The following PDE6B variants were observed in gnomAD, a reference collection of about 807,000 sequenced individuals.
PDE6B encodes the protein rod cGMP-specific 3',5'-cyclic phosphodiesterase subunit beta.
Under a neutral mutation model 109.0 loss-of-function variants are expected in PDE6B, and 106 were observed. The observed-to-expected ratio is 0.97, with a 90% CI of 0.83 to 1.14. The LOEUF is 1.14. Among genes scored for constraint, PDE6B ranks in the 50% most tolerant of loss-of-function variants. The pLI is 0.00. For synonymous variants in PDE6B, 490 were observed against 471.3 expected (o/e 1.04, Z -0.51); for missense variants, 1,193 against 1,155.6 (o/e 1.03, Z -0.47).
rs546720892 is a variant in PDE6B, at chr4:663,255, C to T, written c.1920+68C>T. 62 of 902,326 alleles carry T rather than the reference C, an allele frequency of 6.9e-5. 1 individual carries two copies. Among genetic ancestry groups the T allele is most frequent in the South Asian group, 6.0e-4 (46 of 76,706 alleles). The allele number at this position is 902,326 out of a possible 1,614,324, so 55.9% of individuals were successfully genotyped here. ...CGCAGCGTCCGCAGGACGGCAGGGC[C>T]GTATCCTGCGGAGCAGGGTTCTGAT... On this transcript the variant is annotated intron_variant, in intron 15 of 21. Transcript: ENST00000496514. The surrounding 1 kb of genome is among the most constrained non-coding windows in gnomAD (Gnocchi z 4.0).
intron 12 of PDE6B, 125 bp downstream of exon 12, chr4:660,738 C>T: frequency 1.2e-6 from 1 of 822,094 alleles, no homozygotes; most frequent in South Asian, 1.4e-5. Context: ...TTCCAGATCC[C>T]ACAGGAAGTT....
chr4:664,977 A>G (rs753367891), intron 18 of PDE6B, 33 bp downstream of exon 18: 2 of 1,528,410 alleles, frequency 1.3e-6, no homozygotes, highest in Admixed American at 1.7e-5. Context: ...ACCCAGAGTC[A>G]GTGCCTCTCA....
chr4:647,942 G>A (rs142148489), intron 3 of PDE6B, among the ~76,000 whole-genome samples: 1 of 151,902 alleles, frequency 6.6e-6, no homozygotes, highest in Non-Finnish European at 1.5e-5. Context: ...GGGCGTGGTG[G>A]TGCATGCCTA....
Position 648,831 on chromosome 4 carries a change from A to G in PDE6B, c.712-5021A>G, listed in dbSNP as rs1735341065. Reference sequence around the variant, plus strand: ...TGCAGCTCTCACCTTCAGGCCGGCCATGCGTCAGGACCCGGTGGCTCGCTG... The same window carrying G: ...TGCAGCTCTCACCTTCAGGCCGGCCGTGCGTCAGGACCCGGTGGCTCGCTG... On this transcript the variant is annotated intron_variant, in intron 3 of 21. Coordinates refer to ENST00000496514, the MANE Select transcript of PDE6B (RefSeq NM_000283.4). The surrounding 1 kb of genome is among the most constrained non-coding windows in gnomAD (Gnocchi z 4.5). Among the ~76,000 whole-genome samples the G allele has an allele frequency of 6.6e-6, 1 of 152,246 alleles. No individual in the cohort carries two copies. The highest frequency in any genetic ancestry group is 2.1e-4 in the South Asian group (1 of 4,836).
chr4:647,194 C>G (rs1004652702), intron 3 of PDE6B, among the ~76,000 whole-genome samples: 1 of 151,990 alleles, frequency 6.6e-6, no homozygotes, highest in Non-Finnish European at 1.5e-5. Context: ...TCTGATAATT[C>G]CCAACTTCGT....
At chr4:664,349 C>T (rs1655409782) in intron 17 of PDE6B, 128 bp downstream of exon 17, 10 of 710,522 alleles carry the variant, frequency 1.4e-5, no homozygotes, top group South Asian at 8.9e-5. Context: ...GGCAGCTTGT[C>T]GAGGGCTGTG....
intron 3 of PDE6B, among the ~76,000 whole-genome samples, chr4:647,854 C>T (rs1004354682): frequency 2.0e-5 from 3 of 152,090 alleles, no homozygotes; most frequent in African/African-American, 7.2e-5. Flanking sequence ...GCGCAGATCA[C>T]CTGAGGTCAG....
At position 663,823 on chromosome 4, in the gene PDE6B, C is replaced by G. The variant is rs1737437710; in HGVS notation, c.1974C>G (p.His658Gln). 5 of 1,612,570 alleles carry G rather than the reference C, an allele frequency of 3.1e-6. No individual in the cohort carries two copies. The highest frequency in any genetic ancestry group is 4.2e-6 in the Non-Finnish European group (5 of 1,179,538). ...LNRRQHEHVI[H>Q]LMDIAIIATD... is the part of the protein sequence containing the mutation. ...GGCGGCAGCACGAGCACGTGATCCA[C>G]CTGATGGACATCGCCATCATCGCCA... is the stretch of plus-strand genomic sequence containing the variant. Residue 658 changes from histidine to glutamine, a missense_variant, in exon 16 of 22, where the codon CAC becomes CAG. His to Gln is a conservative substitution (Grantham distance 24). Transcript: ENST00000496514. The surrounding 1 kb of genome is among the most constrained non-coding windows in gnomAD (Gnocchi z 4.0).
In PDE6B at chr4:664,208, A is replaced by T. The variant is rs746552548; in HGVS notation, c.2116A>T (p.Lys706Ter). ...GTACCTGTCCCTGGAGACGACCCGGAAGGAGATCGTCATGTGAGCGCGGGC... is the reference window on the plus strand; with the variant it reads ...GTACCTGTCCCTGGAGACGACCCGGTAGGAGATCGTCATGTGAGCGCGGGC... ...VEYLSLETTRKEIVMAMMMTA... is the reference protein window; with the variant it reads ...VEYLSLETTR The change falls in exon 17 of 22, where the codon AAG (lysine) becomes TAG (stop). Residue 706 changes from lysine to a stop codon, truncating the protein, a stop_gained. Coordinates refer to ENST00000496514, the MANE Select transcript of PDE6B (RefSeq NM_000283.4). LOFTEE classifies it high-confidence loss of function. 57 of 1,597,074 alleles carry T rather than the reference A, an allele frequency of 3.6e-5. No individual in the cohort carries two copies. The highest frequency in any genetic ancestry group is 4.6e-5 in the Non-Finnish European group (54 of 1,164,990).
chr4:656,745 CAG>C, intron 8 of PDE6B, 127 bp from the exon 9 acceptor site: 1 of 777,020 alleles, frequency 1.3e-6, no homozygotes, highest in Non-Finnish European at 2.2e-6. Flanking sequence ...ATGCAGAGAG[CAG>C]AGACAGGAAC....
At position 663,377 on chromosome 4, in the gene PDE6B, A is replaced by G. The variant is rs993564252; in HGVS notation, c.1920+190A>G. 6.6e-6 allele frequency among the ~76,000 whole-genome samples: 1 copy of G among 152,122 alleles called. No individual in the cohort carries two copies. The highest frequency in any genetic ancestry group is 1.5e-5 in the Non-Finnish European group (1 of 68,016). ...GCAGGTGCATCGGAGGCCCTGGGAA[A>G]ACGCTTGTGGGGAAGACAACTGGAA... On this transcript the variant is annotated intron_variant, in intron 15 of 21. Transcript: ENST00000496514. The surrounding 1 kb of genome is among the most constrained non-coding windows in gnomAD (Gnocchi z 4.0).
In PDE6B at chr4:636,782, A is replaced by T. The variant is rs1280354223; in HGVS notation, c.711+813A>T. Among the ~76,000 whole-genome samples the T allele has an allele frequency of 6.6e-6, 1 of 152,198 alleles. No individual in the cohort carries two copies. The highest frequency in any genetic ancestry group is 1.5e-5 in the Non-Finnish European group (1 of 68,020). On this transcript the variant is annotated intron_variant, in intron 3 of 21. Transcript: ENST00000496514. The surrounding 1 kb of genome is among the most constrained non-coding windows in gnomAD (Gnocchi z 4.5). ...GGTCTTTATCTCAGCATCTGGAGGA[A>T]GGCTGGGTTTAGGGGCCTCCTCCTG...
In PDE6B at chr4:636,070, C is replaced by A; in HGVS notation, c.711+101C>A. 4 of 760,758 alleles carry A rather than the reference C, an allele frequency of 5.3e-6. No individual in the cohort carries two copies. The highest frequency in any genetic ancestry group is 4.1e-5 in the South Asian group (3 of 72,374). 47.1% of individuals were successfully genotyped at this position (760,758 alleles called of 1,614,324 possible). On this transcript the variant is annotated intron_variant, in intron 3 of 21. Coordinates refer to ENST00000496514, the MANE Select transcript of PDE6B (RefSeq NM_000283.4). The surrounding 1 kb of genome is among the most constrained non-coding windows in gnomAD (Gnocchi z 4.5). ...GGGTGGTGGCAGGTGGTCTTGTGCT[C>A]ACCTGGGTAGGTCCTGGGGTGGGCA...
chr4:650,070 TC>T (rs1473707568), intron 3 of PDE6B, among the ~76,000 whole-genome samples: 3 of 152,010 alleles, frequency 2.0e-5, no homozygotes, highest in African/African-American at 7.2e-5. Context: ...GCTCGAACCA[TC>T]CCCGGGGCCT....
intron 3 of PDE6B, among the ~76,000 whole-genome samples, chr4:640,318 C>T (rs1419940433): frequency 1.3e-5 from 2 of 151,996 alleles, no homozygotes; most frequent in African/African-American, 4.8e-5. Flanking sequence ...GGCCAATCAC[C>T]TGAGGTCAGG....
rs140816417 is a variant in PDE6B, at chr4:650,109, C to T, written c.712-3743C>T. ...TGGATGCAGCAGGTGTATCCTGTAC[C>T]GGGGTGCTGGGACGCTGGGCACGGG... On this transcript the variant is annotated intron_variant, in intron 3 of 21. Transcript: ENST00000496514. 5.5e-3 allele frequency among the ~76,000 whole-genome samples: 841 copies of T among 152,216 alleles called. 4 individuals are homozygous for T. Among genetic ancestry groups the T allele is most frequent in the Non-Finnish European group, 9.2e-3 (628 of 68,002 alleles).
At chr4:628,157 A>AGCAAATCTTCATGAAGT (rs1471442035) in intron 1 of PDE6B, among the ~76,000 whole-genome samples, 1 of 144,718 alleles carries the variant, frequency 6.9e-6, no homozygotes, top group African/African-American at 2.8e-5. Context: ...CACCAAAAAA[A>AGCAAATCTTCATGAAGT]GCAAATCTTC....
chr4:643,724 T>G (rs73056586), intron 3 of PDE6B, among the ~76,000 whole-genome samples: 4,378 of 151,922 alleles, frequency 0.029, 78 homozygotes, highest in Middle Eastern at 0.075. Context: ...TATTTATTAT[T>G]TATTTTCTTC....
chr4:632,778 G>A (rs754822395), intron 1 of PDE6B, among the ~76,000 whole-genome samples: 1 of 150,908 alleles, frequency 6.6e-6, no homozygotes. Context: ...TCTGGATCAC[G>A]TTGTGTGGAT....
Sources: gnomAD v4.1 joint callset for allele counts (sites outside exome capture counted in the v4.1 genomes callset) on GRCh38, gnomAD v4.1.1 for gene constraint, Gnocchi (gnomAD v3.1) non-coding constraint, MANE v1.5 for transcripts, NCBI Gene and HGNC (gene_info 2026-07-23, HGNC 2026-07-21) for gene names.